The following ADGRL1 variants were observed in gnomAD, a reference collection of about 807,000 sequenced individuals.
The protein encoded by ADGRL1 is CIRL-1.
Under a neutral mutation model 148.9 loss-of-function variants are expected in ADGRL1, and 31 were observed. The observed-to-expected ratio is 0.21, with a 90% CI of 0.16 to 0.28. The LOEUF (loss-of-function observed/expected upper bound fraction) is 0.28. Ranked by LOEUF, ADGRL1 falls within the 10% of genes least tolerant of loss-of-function variation. The pLI is 1.00. For synonymous variants in ADGRL1, 937 were observed against 900.3 expected (o/e 1.04, Z -0.73); for missense variants, 1,521 against 2,058.8 (o/e 0.74, Z 5.05).
rs534882856 is a variant in ADGRL1, at chr19:14,156,614, G to C, written c.3033+44C>G. ...AGGGGCTGGGGTCAAGGCCAGCCTG[G>C]ATGAAGGAAGATGTGGTGCTAGGGG... On this transcript the variant is annotated intron_variant, in intron 16 of 22. Transcript: ENST00000361434. The C allele has an allele frequency of 4.5e-6, 7 of 1,551,006 alleles. No homozygotes were observed. The African/African-American group carries it at 5.5e-5, about 12-fold the overall frequency.
At chr19:14,200,815 G>A (rs1024352402) in intron 1 of ADGRL1, among the ~76,000 whole-genome samples, 1 of 152,184 alleles carries the variant, frequency 6.6e-6, no homozygotes, top group Non-Finnish European at 1.5e-5. Flanking sequence ...AGGGGGTCTC[G>A]CTTTGTCGCC....
In ADGRL1 at chr19:14,161,650, G is replaced by A; in HGVS notation, c.1196-24C>T. On this transcript the variant is annotated intron_variant, in intron 5 of 22. Transcript: ENST00000361434. The surrounding 1 kb of genome is among the most constrained non-coding windows in gnomAD (Gnocchi z 4.4). ...GCCTGGAGAGGGGATACGAGACAGGGTCATCCCCATGCTCAGGGCCATGCC... is the reference window on the plus strand; with the variant it reads ...GCCTGGAGAGGGGATACGAGACAGGATCATCCCCATGCTCAGGGCCATGCC... 5 of 1,373,334 alleles carry A rather than the reference G, an allele frequency of 3.6e-6. No individual in the cohort carries two copies. The highest frequency in any genetic ancestry group is 4.7e-6 in the Non-Finnish European group (5 of 1,064,104). 85.1% of individuals were successfully genotyped at this position (1,373,334 alleles called of 1,614,324 possible).
At chr19:14,187,443 A>G (rs1568621980) in intron 1 of ADGRL1, among the ~76,000 whole-genome samples, 1 of 152,120 alleles carries the variant, frequency 6.6e-6, no homozygotes, top group Non-Finnish European at 1.5e-5. Flanking sequence ...GGAAATGGGA[A>G]GATAATATCT....
chr19:14,184,531 CAAGG>C (rs1374535087), intron 1 of ADGRL1, among the ~76,000 whole-genome samples: 1 of 151,854 alleles, frequency 6.6e-6, no homozygotes, highest in Non-Finnish European at 1.5e-5. Flanking sequence ...CTCCCAGACT[CAAGG>C]AATCCTCCCA....
intron 1 of ADGRL1, among the ~76,000 whole-genome samples, chr19:14,204,678 G>A (rs1478963515): frequency 6.6e-6 from 1 of 150,882 alleles, no homozygotes; most frequent in African/African-American, 2.4e-5. Flanking sequence ...GGGGAAGAGA[G>A]AAAGACAGAG....
At chr19:14,185,091 G>T (rs746470283) in intron 1 of ADGRL1, among the ~76,000 whole-genome samples, 2 of 151,656 alleles carry the variant, frequency 1.3e-5, no homozygotes, top group Admixed American at 6.6e-5. Context: ...TCCAGGACTC[G>T]GTTCTAACTG....
intron 1 of ADGRL1, among the ~76,000 whole-genome samples, chr19:14,192,789 G>T (rs1248506624): frequency 6.6e-6 from 1 of 152,114 alleles, no homozygotes; most frequent in Non-Finnish European, 1.5e-5. Context: ...AACCTCAGAT[G>T]ATCCACGCGC....
rs1445410936 is a variant in ADGRL1 at position 14,150,640 on chromosome 19, T to C, written c.*233A>G. 7.1e-6 allele frequency: 4 copies of C among 560,388 alleles called. No individual in the cohort carries two copies. Among genetic ancestry groups the C allele is most frequent in the Non-Finnish European group, 1.2e-5 (4 of 320,976 alleles). The allele number at this position is 560,388 out of a possible 1,614,324, so 34.7% of individuals were successfully genotyped here. A position where few individuals can be genotyped will look rare whatever the true frequency, so the allele number is the denominator to read the frequency against. ...CCTCTGGGCTCCTCCTCACTACACT[T>C]CCCCCAAATAGAGCTGGTGCGTGTG... is the stretch of plus-strand genomic sequence containing the variant. On this transcript the variant is annotated 3_prime_UTR_variant, in exon 23 of 23. Coordinates refer to ENST00000361434, the MANE Select transcript of ADGRL1 (RefSeq NM_014921.5).
chr19:14,166,430 C>A (rs963604797), intron 4 of ADGRL1, among the ~76,000 whole-genome samples: 2 of 152,082 alleles, frequency 1.3e-5, no homozygotes, highest in African/African-American at 4.8e-5. Context: ...GAACTTAAGC[C>A]ACCAGGAGCC....
intron 16 of ADGRL1, 143 bp from the exon 17 acceptor site, chr19:14,156,344 C>T: frequency 1.4e-6 from 1 of 694,922 alleles, no homozygotes; most frequent in Non-Finnish European, 2.5e-6. Flanking sequence ...CCTGAGGTGC[C>T]CGCTGTGCAG....
At chr19:14,173,444 G>C (rs201225867) in intron 3 of ADGRL1, among the ~76,000 whole-genome samples, 1 of 124,082 alleles carries the variant, frequency 8.1e-6, no homozygotes, top group Non-Finnish European at 1.9e-5. Context: ...CTGTATAGGA[G>C]AAAACATGGT....
At chr19:14,189,288 T>G (rs1335759310) in intron 1 of ADGRL1, among the ~76,000 whole-genome samples, 1 of 148,350 alleles carries the variant, frequency 6.7e-6, no homozygotes, top group Non-Finnish European at 1.5e-5. Context: ...TGGCCCAATC[T>G]CGGCTCACTG....
chr19:14,201,294 G>GTTTT lies in ADGRL1; in HGVS notation c.-96+4687_-96+4690dup, dbSNP rs748016498. Among the ~76,000 whole-genome samples the GTTTT allele has an allele frequency of 7.9e-4, 68 of 86,238 alleles. 1 individual carries two copies. Among genetic ancestry groups the GTTTT allele is most frequent in the African/African-American group, 1.6e-3 (38 of 24,252 alleles). 56.6% of individuals were successfully genotyped at this position (86,238 alleles called of 152,430 possible). On this transcript the variant is annotated intron_variant, in intron 1 of 22. Transcript: ENST00000361434. ...GAGGGAGGGGCACTGGCTATTCTGA[G>GTTTT]TTTTTTTGTTTTTTTTTTTTGGCGG...
At chr19:14,196,631 A>C (rs1333885254) in intron 1 of ADGRL1, among the ~76,000 whole-genome samples, 1 of 152,082 alleles carries the variant, frequency 6.6e-6, no homozygotes, top group Non-Finnish European at 1.5e-5. Context: ...AAAACAAAAA[A>C]CAAACAAGCC....
At chr19:14,184,642 A>ATTTTTTT (rs1283218279) in intron 1 of ADGRL1, among the ~76,000 whole-genome samples, 35 of 107,878 alleles carry the variant, frequency 3.2e-4, no homozygotes, top group African/African-American at 7.4e-4. Flanking sequence ...TTATTTATTT[A>ATTTTTTT]TTTATTTTTT....
Position 14,187,656 on chromosome 19 carries a change from C to A in ADGRL1, c.-95-3959G>T, listed in dbSNP as rs447709. Among the ~76,000 whole-genome samples, 145 of 150,220 alleles carry A rather than the reference C, an allele frequency of 9.7e-4. 1 individual carries two copies. In the East Asian group the frequency reaches 0.027, roughly 28 times the overall value. ...GTGTCACTTTCAGATGATTTTACAG[C>A]GTGTTACCCCGCCGCCGCCACCAGC... On this transcript the variant is annotated intron_variant, in intron 1 of 22. Coordinates refer to ENST00000361434, the MANE Select transcript of ADGRL1 (RefSeq NM_014921.5).
Position 14,177,491 on chromosome 19 carries a change from C to A in ADGRL1, c.284+40G>T, listed in dbSNP as rs776513050. Reference sequence around the variant, plus strand: ...CTGGCAGGTGTGCAGTGCTTTTAGGCGGGCACTTCATCCAGGAACTGCCAC... The same window carrying A: ...CTGGCAGGTGTGCAGTGCTTTTAGGAGGGCACTTCATCCAGGAACTGCCAC... On this transcript the variant is annotated intron_variant, in intron 3 of 22. Coordinates refer to ENST00000361434, the MANE Select transcript of ADGRL1 (RefSeq NM_014921.5). 59 of 1,572,008 alleles carry A rather than the reference C, an allele frequency of 3.8e-5. 1 individual carries two copies. The South Asian group carries it at 6.1e-4, about 16-fold the overall frequency.
chr19:14,205,196 T>A (rs1406545032), intron 1 of ADGRL1, among the ~76,000 whole-genome samples: 1 of 151,768 alleles, frequency 6.6e-6, no homozygotes, highest in Non-Finnish European at 1.5e-5. Context: ...CCCAGGACCG[T>A]CAGATGGGAG....
chr19:14,197,954 T>C (rs1188755414), intron 1 of ADGRL1, among the ~76,000 whole-genome samples: 1 of 152,146 alleles, frequency 6.6e-6, no homozygotes, highest in Non-Finnish European at 1.5e-5. Context: ...GGGGTATACA[T>C]GTAGGTGCAA....
Sources: allele counts gnomAD v4.1 joint callset (sites outside exome capture counted in the v4.1 genomes callset), GRCh38; gene constraint gnomAD v4.1.1; non-coding constraint Gnocchi (gnomAD v3.1); transcripts MANE v1.5; gene names NCBI Gene and HGNC (gene_info 2026-07-23, HGNC 2026-07-21).